PCYT1B: variants seen among roughly 807,000 people sequenced by gnomAD.
PCYT1B encodes the protein choline-phosphate cytidylyltransferase B.
In PCYT1B, 10 loss-of-function variants were observed where a neutral mutation model predicts 26.4. The observed-to-expected ratio is 0.38, with a 90% CI of 0.23 to 0.64. The LOEUF (loss-of-function observed/expected upper bound fraction) is 0.64, where lower values mean the gene tolerates loss of function less well. Among genes scored for constraint, PCYT1B ranks in the 30% least tolerant of loss-of-function variants. The pLI is 0.56. For missense variants in PCYT1B, 161 were observed against 292.7 expected (o/e 0.55, Z 3.28); for synonymous variants, 131 against 108.4 (o/e 1.21, Z -1.29).
At position 24,568,249 on chromosome X, in the gene PCYT1B, C is replaced by T. The variant is rs1196869154; in HGVS notation, c.898-5744G>A. On this transcript the variant is annotated intron_variant, in intron 7 of 7. Transcript: ENST00000379144. Reference sequence around the variant, plus strand: ...GCTCTAAGGGCGTTGAAGTGTGAGCCAGTCTGGGTGCGATGGCTCATGCCT... The same window carrying T: ...GCTCTAAGGGCGTTGAAGTGTGAGCTAGTCTGGGTGCGATGGCTCATGCCT... Among the ~76,000 whole-genome samples the T allele has an allele frequency of 2.7e-5, 3 of 111,716 alleles. No individual in the cohort carries two copies. In the East Asian group the frequency reaches 8.6e-4, roughly 32 times the overall value.
chrX:24,647,140 A>G lies in PCYT1B; in HGVS notation c.-35T>C. The G allele has an allele frequency of 8.3e-7, 1 of 1,202,261 alleles. No individual in the cohort carries two copies. Among genetic ancestry groups the G allele is most frequent in the Non-Finnish European group, 1.1e-6 (1 of 890,326 alleles). ...ATGCTCCCTCTAGCTCTACACCCTC[A>G]GAGAGTCTCCTCCCAGGCAGAGAAT... On this transcript the variant is annotated 5_prime_UTR_variant, in exon 1 of 8. Coordinates refer to ENST00000379144, the MANE Select transcript of PCYT1B (RefSeq NM_004845.5).
At chrX:24,599,002 A>T (rs1924876828) in intron 3 of PCYT1B, among the ~76,000 whole-genome samples, 1 of 112,225 alleles carries the variant, frequency 8.9e-6, no homozygotes, top group South Asian at 3.7e-4. Context: ...ATTGGCAATG[A>T]TGTAATTAAA....
At chrX:24,657,793 T>C (rs1358278263) in intron 1 of PCYT1B, among the ~76,000 whole-genome samples, 1 of 112,313 alleles carries the variant, frequency 8.9e-6, no homozygotes, top group East Asian at 2.8e-4. Flanking sequence ...AGGATTTTTT[T>C]AAGCAGGTGA....
intron 1 of PCYT1B, among the ~76,000 whole-genome samples, chrX:24,636,910 T>C (rs1259345871): frequency 8.9e-6 from 1 of 112,057 alleles, no homozygotes; most frequent in Non-Finnish European, 1.9e-5. Context: ...CTACCCAGCA[T>C]TAAATTGTGT....
At chrX:24,624,256 A>T (rs1925816744) in intron 1 of PCYT1B, among the ~76,000 whole-genome samples, 1 of 111,759 alleles carries the variant, frequency 8.9e-6, no homozygotes, top group Non-Finnish European at 1.9e-5. Context: ...GGCATGAGCC[A>T]CCGCGCCCGG....
upstream of PCYT1B, among the ~76,000 whole-genome samples, chrX:24,651,467 AAAAAAATATATATAT>A (rs1339446600): frequency 9.9e-5 from 3 of 30,443 alleles, no homozygotes; most frequent in Non-Finnish European, 1.2e-4. Flanking sequence ...AAAAAAAAAA[AAAAAAATATATATAT>A]ATATATATAT....
chrX:24,648,822 G>A (rs776205072), upstream of PCYT1B, among the ~76,000 whole-genome samples: 2 of 111,090 alleles, frequency 1.8e-5, no homozygotes, highest in African/African-American at 6.6e-5. Context: ...GTAGCCCAAA[G>A]GATGGGATAA....
At position 24,562,021 on chromosome X, in the gene PCYT1B, T is replaced by A. The variant is rs1923435693; in HGVS notation, c.*272A>T. The A allele has an allele frequency of 1.8e-6, 2 of 1,094,771 alleles. No homozygotes were observed. The highest frequency in any genetic ancestry group is 3.0e-5 in the East Asian group (1 of 33,237). 90.2% of individuals were successfully genotyped at this position (1,094,771 alleles called of 1,213,427 possible). On this transcript the variant is annotated 3_prime_UTR_variant, in exon 8 of 8. Transcript: ENST00000379144. ...ATCAGTGCAAGTCTCTCTAGGGAAC[T>A]CTGCATCCTTCCTTAGCAAGGTTAG...
At chrX:24,662,234 T>C (rs1405300876) in intron 1 of PCYT1B, among the ~76,000 whole-genome samples, 2 of 112,572 alleles carry the variant, frequency 1.8e-5, no homozygotes, top group African/African-American at 6.5e-5. Flanking sequence ...TAGAAATATA[T>C]ACTGAAATAT....
chrX:24,654,350 G>A (rs1433421799), intron 1 of PCYT1B, among the ~76,000 whole-genome samples: 12 of 104,695 alleles, frequency 1.1e-4, no homozygotes, highest in Admixed American at 3.1e-4. Flanking sequence ...CTTGTGATCC[G>A]CCTGCCTCGG....
chrX:24,588,460 C>A (rs750029494), intron 4 of PCYT1B, among the ~76,000 whole-genome samples: 13 of 111,848 alleles, frequency 1.2e-4, no homozygotes, highest in Non-Finnish European at 2.4e-4. Flanking sequence ...GATTTTAAAG[C>A]CCTGTATAAC....
intron 1 of PCYT1B, among the ~76,000 whole-genome samples, chrX:24,620,082 A>G (rs1369848088): frequency 1.8e-5 from 2 of 112,353 alleles, no homozygotes; most frequent in African/African-American, 6.5e-5. Flanking sequence ...TGCTGTATCA[A>G]TTGTTTCTTA....
intron 1 of PCYT1B, among the ~76,000 whole-genome samples, chrX:24,635,812 T>C (rs1926251803): frequency 8.9e-6 from 1 of 112,089 alleles, no homozygotes; most frequent in African/African-American, 3.2e-5. Context: ...AGGAGGATTC[T>C]AAAAGCTTTA....
chrX:24,670,113 A>AAGGGAAGGAAGG (rs57988714), intron 1 of PCYT1B, among the ~76,000 whole-genome samples: 1 of 23,599 alleles, frequency 4.2e-5, no homozygotes, highest in African/African-American at 1.6e-4. Flanking sequence ...AGAAAGAAAG[A>AAGGGAAGGAAGG]AAGGAAGGAA....
chrX:24,569,011 A>C (rs1044892734), intron 7 of PCYT1B, among the ~76,000 whole-genome samples: 1 of 111,006 alleles, frequency 9.0e-6, no homozygotes, highest in East Asian at 2.8e-4. Context: ...GAAGCAGAAG[A>C]ATCACTTGAA....
chrX:24,627,812 T>A (rs2051207593), intron 1 of PCYT1B, among the ~76,000 whole-genome samples: 1 of 111,358 alleles, frequency 9.0e-6, no homozygotes, highest in African/African-American at 3.3e-5. Flanking sequence ...GGATAGATTT[T>A]GGATCCATAA....
At chrX:24,578,565 CTT>C (rs1245549411) in intron 6 of PCYT1B, among the ~76,000 whole-genome samples, 1 of 112,251 alleles carries the variant, frequency 8.9e-6, no homozygotes, top group Non-Finnish European at 1.9e-5. Flanking sequence ...AAGCCAAAGA[CTT>C]TAGGCTTTAT....
intron 1 of PCYT1B, chrX:24,621,877 GT>G: frequency 1.4e-6 from 1 of 703,821 alleles, no homozygotes; most frequent in South Asian, 7.3e-5. Flanking sequence ...TCTTGATGGT[GT>G]GAAATCTGGT....
At chrX:24,670,549 A>C (rs1211783096) in intron 1 of PCYT1B, among the ~76,000 whole-genome samples, 2 of 111,863 alleles carry the variant, frequency 1.8e-5, no homozygotes, top group Non-Finnish European at 3.8e-5. Flanking sequence ...TACACTGAGA[A>C]CCGAAAAGCA....
Sources: gnomAD v4.1 joint callset for allele counts (sites outside exome capture counted in the v4.1 genomes callset) on GRCh38, gnomAD v4.1.1 for gene constraint, MANE v1.5 for transcripts, NCBI Gene and HGNC (gene_info 2026-07-23, HGNC 2026-07-21) for gene names.